EBF2: variants seen among roughly 807,000 people sequenced by gnomAD.
EBF2 encodes the protein EBF transcription factor 2, also known as transcription factor COE2.
EBF2 carries 21 observed loss-of-function variants against 72.8 expected under a neutral mutation model. The ratio of observed to expected loss-of-function variants is 0.29; its 90% CI spans 0.20 to 0.42. The LOEUF is 0.42. EBF2 is among the 10% of genes least tolerant of loss of function. The probability of loss-of-function intolerance (pLI) is 1.00; values close to 1 mark genes in which losing one functional copy is unlikely to be tolerated. For synonymous variants in EBF2, 299 were observed against 274.2 expected (o/e 1.09, Z -0.89); for missense variants, 637 against 731.2 (o/e 0.87, Z 1.49).
intron 7 of EBF2, among the ~76,000 whole-genome samples, chr8:25,907,759 T>C (rs2117312697): frequency 6.6e-6 from 1 of 152,238 alleles, no homozygotes; most frequent in Admixed American, 6.5e-5. Context: ...GAAAAGGAGG[T>C]GCCACATCTA....
intron 10 of EBF2, among the ~76,000 whole-genome samples, chr8:25,864,615 T>A (rs982451374): frequency 1.2e-4 from 18 of 152,120 alleles, no homozygotes; most frequent in African/African-American, 4.3e-4. Context: ...CATTAAGAAT[T>A]TACCTTTGCC....
chr8:25,996,391 A>G (rs1378536656), intron 6 of EBF2, among the ~76,000 whole-genome samples: 11 of 152,196 alleles, frequency 7.2e-5, no homozygotes, highest in African/African-American at 2.7e-4. Flanking sequence ...TGTTCAAATC[A>G]CTTTTTCTAA....
intron 6 of EBF2, among the ~76,000 whole-genome samples, chr8:25,992,528 G>A (rs576448706): frequency 3.9e-5 from 6 of 152,140 alleles, no homozygotes; most frequent in African/African-American, 1.4e-4. Flanking sequence ...AGAGAGTGGA[G>A]AGGATTCAAG....
intron 6 of EBF2, among the ~76,000 whole-genome samples, chr8:25,942,898 A>G (rs1803700906): frequency 6.6e-6 from 1 of 152,160 alleles, no homozygotes; most frequent in Non-Finnish European, 1.5e-5. Flanking sequence ...CATGGAATGA[A>G]CTACAGGACA....
In EBF2 at chr8:25,850,711, G is replaced by A. The variant is rs779126984; in HGVS notation, c.1579C>T (p.Pro527Ser). The change falls in exon 15 of 16, where the codon CCA becomes TCA. Residue 527 changes from proline to serine, a missense_variant. Physicochemically the swap from Pro to Ser is moderately conservative, Grantham distance 74. This residue lies in a region of EBF2 where 259 missense variants were observed against 268.1 expected (regional missense o/e 0.97). Transcript: ENST00000520164. The part of the protein sequence containing the change: ...VGSSSTSSIL[P>S]FSSSVFPAVK... ...GCAGGAAAAACTGAAGAGGAAAATG[G>A]GAGGATGGAGGATGTGCTGGAAGAC... 11 of 1,558,686 alleles carry A rather than the reference G, an allele frequency of 7.1e-6. No individual in the cohort carries two copies. The highest frequency in any genetic ancestry group is 9.5e-6 in the Non-Finnish European group (11 of 1,160,692).
chr8:25,887,603 C>T lies in EBF2; in HGVS notation c.882+239G>A, dbSNP rs557074306. On this transcript the variant is annotated intron_variant, in intron 9 of 15. Coordinates refer to ENST00000520164, the MANE Select transcript of EBF2 (RefSeq NM_022659.4). ...AGCATATCCTTTTTCCTGTATCATT[C>T]GAATTTTTTCAAAACATTTTTTAAC... Among the ~76,000 whole-genome samples, 10 of 151,980 alleles carry T rather than the reference C, an allele frequency of 6.6e-5. No individual in the cohort carries two copies. The South Asian group carries it at 1.5e-3, about 22-fold the overall frequency.
chr8:26,001,452 T>A (rs1468620881), intron 6 of EBF2, among the ~76,000 whole-genome samples: 2 of 152,226 alleles, frequency 1.3e-5, no homozygotes, highest in African/African-American at 4.8e-5. Context: ...TTGCAGTTAG[T>A]CTTAGCAGAT....
intron 6 of EBF2, among the ~76,000 whole-genome samples, chr8:26,010,765 C>A (rs1265235762): frequency 6.6e-6 from 1 of 152,076 alleles, no homozygotes; most frequent in African/African-American, 2.4e-5. Flanking sequence ...ACGAGGGCAC[C>A]GCGCTGAGGG....
chr8:26,014,028 AC>A (rs1459470844), intron 6 of EBF2, among the ~76,000 whole-genome samples: 1 of 152,024 alleles, frequency 6.6e-6, no homozygotes, highest in Non-Finnish European at 1.5e-5. Context: ...ACAATTATCA[AC>A]TCTCAAAATT....
intron 10 of EBF2, among the ~76,000 whole-genome samples, chr8:25,873,442 A>T (rs1230001967): frequency 6.6e-6 from 1 of 152,220 alleles, no homozygotes; most frequent in African/African-American, 2.4e-5. Flanking sequence ...AACCTTGGCT[A>T]CATTGAAATC....
chr8:25,904,392 T>G (rs1323126293), intron 7 of EBF2, among the ~76,000 whole-genome samples: 5 of 151,268 alleles, frequency 3.3e-5, no homozygotes, highest in African/African-American at 1.2e-4. Flanking sequence ...TTGGTCTGAT[T>G]GGATGATTTT....
chr8:25,972,111 C>A (rs887623770), intron 6 of EBF2, among the ~76,000 whole-genome samples: 8 of 152,164 alleles, frequency 5.3e-5, no homozygotes, highest in African/African-American at 1.9e-4. Flanking sequence ...CCCCGGAATG[C>A]AAAGGGAAGA....
intron 6 of EBF2, among the ~76,000 whole-genome samples, chr8:25,934,519 C>T (rs931699649): frequency 6.6e-6 from 1 of 152,158 alleles, no homozygotes; most frequent in Non-Finnish European, 1.5e-5. Context: ...TGGAAGCACA[C>T]GAATCCAAAT....
chr8:25,883,399 A>C (rs1453652081), intron 10 of EBF2, among the ~76,000 whole-genome samples: 1 of 142,754 alleles, frequency 7.0e-6, no homozygotes, highest in East Asian at 2.0e-4. Context: ...ATTGTAATGT[A>C]ACTGTAGCCA....
intron 6 of EBF2, among the ~76,000 whole-genome samples, chr8:26,001,814 G>A (rs1017872577): frequency 1.3e-5 from 2 of 152,080 alleles, no homozygotes; most frequent in Non-Finnish European, 2.9e-5. Context: ...CTCCCAAAGT[G>A]CTAGGATTAC....
chr8:25,986,001 C>CAGAAAAAAAAAAAAAAA, intron 6 of EBF2, among the ~76,000 whole-genome samples: 1 of 28,556 alleles, frequency 3.5e-5, no homozygotes, highest in Non-Finnish European at 5.5e-5. Flanking sequence ...AACTCTGTCT[C>CAGAAAAAAAAAAAAAAA]AAAAAAAAAA....
chr8:26,044,145 G>C lies in EBF2; in HGVS notation c.131+584C>G, dbSNP rs1251851059. On this transcript the variant is annotated intron_variant, in intron 1 of 15. Coordinates refer to ENST00000520164, the MANE Select transcript of EBF2 (RefSeq NM_022659.4). The surrounding 1 kb of genome is among the most constrained non-coding windows in gnomAD (Gnocchi z 4.1). ...TGGCTCACTGTTTTATCTTTGAGCC[G>C]GGACCCTCCAGCCTGTCCCCCCTCC... is the stretch of plus-strand genomic sequence containing the variant. 6.6e-6 allele frequency among the ~76,000 whole-genome samples: 1 copy of C among 152,114 alleles called. No individual in the cohort carries two copies. The highest frequency in any genetic ancestry group is 6.5e-5 in the Admixed American group (1 of 15,286).
intron 6 of EBF2, among the ~76,000 whole-genome samples, chr8:25,936,230 C>T (rs1037788431): frequency 1.3e-5 from 2 of 152,202 alleles, no homozygotes; most frequent in Non-Finnish European, 2.9e-5. Context: ...CTCCTCACTG[C>T]TGTATTGCTG....
chr8:25,875,131 C>G (rs1802501532), intron 10 of EBF2, among the ~76,000 whole-genome samples: 1 of 152,156 alleles, frequency 6.6e-6, no homozygotes, highest in Admixed American at 6.5e-5. Flanking sequence ...TGTGGTAGGT[C>G]TTTCAAGATG....
Sources: gnomAD v4.1 joint callset for allele counts (sites outside exome capture counted in the v4.1 genomes callset) on GRCh38, gnomAD v4.1.1 for gene constraint, gnomAD v4.1.1 regional missense constraint, Gnocchi (gnomAD v3.1) non-coding constraint, MANE v1.5 for transcripts, NCBI Gene and HGNC (gene_info 2026-07-23, HGNC 2026-07-21) for gene names.